ANKS1B: variants seen among roughly 807,000 people sequenced by gnomAD.
ANKS1B encodes the protein ankyrin repeat and sterile alpha motif domain containing 1B.
A neutral mutation model predicts 148.3 loss-of-function variants in ANKS1B; 36 were observed. That is an observed-to-expected ratio of 0.24 (90% CI 0.19 to 0.32). The LOEUF is 0.32. Ranked by LOEUF, ANKS1B falls within the 10% of genes least tolerant of loss-of-function variation. ANKS1B has a pLI of 1.00. For synonymous variants in ANKS1B, 542 were observed against 560.8 expected (o/e 0.97, Z 0.47); for missense variants, 1,157 against 1,542.6 (o/e 0.75, Z 4.19).
intron 17 of ANKS1B, among the ~76,000 whole-genome samples, chr12:98,842,329 A>G (rs2099411408): frequency 6.6e-6 from 1 of 152,210 alleles, no homozygotes; most frequent in Admixed American, 6.5e-5. Flanking sequence ...CACACACAAG[A>G]TGATAGAATA....
In ANKS1B at chr12:99,030,986, C is replaced by T. The variant is rs114887746; in HGVS notation, c.2778+22171G>A. Among the ~76,000 whole-genome samples, 478 of 152,316 alleles carry T rather than the reference C, an allele frequency of 3.1e-3. 2 individuals are homozygous for T. The highest frequency in any genetic ancestry group is 0.011 in the African/African-American group (466 of 41,576). ...CAAGAAGGGCCAAGAAGAGCACAGA[C>T]TCAGTCAAACAAAGATGGAACAAAA... On this transcript the variant is annotated intron_variant, in intron 17 of 26. Transcript: ENST00000683438.
At chr12:99,911,339 C>T (rs10860537) in intron 1 of ANKS1B, among the ~76,000 whole-genome samples, 10,241 of 152,146 alleles carry the variant, frequency 0.067, 409 homozygotes, top group South Asian at 0.083. Context: ...TACAAACTAA[C>T]CAGGCCAGCC....
chr12:99,246,818 A>G lies in ANKS1B; in HGVS notation c.1803T>C (p.Asp601=). The change falls in exon 13 of 27, where the codon GAT becomes GAC. Residue 601 remains aspartate, a synonymous_variant. Coordinates refer to ENST00000683438, the MANE Select transcript of ANKS1B (RefSeq NM_001352186.2). ...GGAGCAGGCCTGCAAATTGCCCAGGATCATATTCTTTTGGGGGATCATTGT... is the reference window on the plus strand; with the variant it reads ...GGAGCAGGCCTGCAAATTGCCCAGGGTCATATTCTTTTGGGGGATCATTGT... ...QDDNDPPKEY[D]PGQFAGLLHG... 6.2e-7 allele frequency: 1 copy of G among 1,609,080 alleles called. No individual in the cohort carries two copies. Among genetic ancestry groups the G allele is most frequent in the Non-Finnish European group, 8.5e-7 (1 of 1,178,864 alleles).
intron 15 of ANKS1B, among the ~76,000 whole-genome samples, chr12:99,096,382 A>T (rs4762551): frequency 0.095 from 14,442 of 151,400 alleles, 1,502 homozygotes; most frequent in African/African-American, 0.25. Flanking sequence ...AAAAAAAAAA[A>T]TTTTTCCACA....
intron 1 of ANKS1B, among the ~76,000 whole-genome samples, chr12:99,954,245 AAAAG>A (rs1197372400): frequency 6.6e-6 from 1 of 152,216 alleles, no homozygotes; most frequent in African/African-American, 2.4e-5. Context: ...AGAAATAAGA[AAAAG>A]AAAACTAATA....
intron 17 of ANKS1B, among the ~76,000 whole-genome samples, chr12:98,952,308 T>C (rs999087953): frequency 3.3e-5 from 5 of 152,198 alleles, no homozygotes; most frequent in African/African-American, 1.2e-4. Context: ...GTAACAAAAC[T>C]GGCACTGGAA....
intron 15 of ANKS1B, among the ~76,000 whole-genome samples, chr12:99,142,572 G>T (rs893599860): frequency 2.0e-5 from 3 of 152,048 alleles, no homozygotes; most frequent in Non-Finnish European, 4.4e-5. Flanking sequence ...CATTATGCAA[G>T]AACTAAAAAT....
intron 14 of ANKS1B, among the ~76,000 whole-genome samples, chr12:99,243,829 T>C (rs1040257001): frequency 6.6e-6 from 1 of 151,764 alleles, no homozygotes; most frequent in East Asian, 1.9e-4. Context: ...TGAGAACACA[T>C]GGACACAGGG....
intron 17 of ANKS1B, among the ~76,000 whole-genome samples, chr12:98,860,170 C>T (rs948302034): frequency 1.3e-5 from 2 of 152,210 alleles, no homozygotes; most frequent in African/African-American, 4.8e-5. Flanking sequence ...TTTTCAAAGA[C>T]CTGAATATCC....
chr12:99,613,670 T>C (rs572794892), intron 9 of ANKS1B, among the ~76,000 whole-genome samples: 5 of 151,926 alleles, frequency 3.3e-5, no homozygotes, highest in African/African-American at 4.8e-5. Context: ...CATGGACACA[T>C]AGAGGAGAAC....
intron 17 of ANKS1B, among the ~76,000 whole-genome samples, chr12:98,926,987 T>G (rs1041089572): frequency 1.3e-5 from 2 of 152,092 alleles, no homozygotes; most frequent in African/African-American, 4.8e-5. Flanking sequence ...CCAAACTTGA[T>G]GAAAACTATT....
At chr12:99,866,468 G>A (rs887536700) in intron 1 of ANKS1B, among the ~76,000 whole-genome samples, 3 of 151,980 alleles carry the variant, frequency 2.0e-5, no homozygotes, top group Non-Finnish European at 4.4e-5. Context: ...CCCATTACAC[G>A]ATTTTCTTCA....
intron 25 of ANKS1B, among the ~76,000 whole-genome samples, chr12:98,755,292 A>G (rs1302083288): frequency 1.3e-5 from 2 of 152,206 alleles, no homozygotes; most frequent in East Asian, 3.9e-4. Flanking sequence ...GATGAGGTTG[A>G]AAATTATATT....
intron 10 of ANKS1B, among the ~76,000 whole-genome samples, chr12:99,471,033 G>A (rs1314618211): frequency 1.3e-5 from 2 of 151,954 alleles, no homozygotes; most frequent in East Asian, 3.8e-4. Context: ...ACATACTTTG[G>A]GAAAAGTTTG....
chr12:99,337,194 C>A (rs1277172448), intron 12 of ANKS1B, among the ~76,000 whole-genome samples: 1 of 151,802 alleles, frequency 6.6e-6, no homozygotes, highest in East Asian at 1.9e-4. Context: ...ATTGTTTTTT[C>A]TTTTGTTTCT....
intron 8 of ANKS1B, among the ~76,000 whole-genome samples, chr12:99,735,551 G>GAAT (rs1338026070): frequency 6.6e-6 from 1 of 152,076 alleles, no homozygotes; most frequent in South Asian, 2.1e-4. Flanking sequence ...AGCCTACCAA[G>GAAT]AATAAATCAG....
At chr12:99,758,149 C>T (rs550465598) in intron 8 of ANKS1B, among the ~76,000 whole-genome samples, 1 of 151,968 alleles carries the variant, frequency 6.6e-6, no homozygotes, top group East Asian at 1.9e-4. Flanking sequence ...AATACAAACT[C>T]CATTTCAGAA....
At chr12:99,496,453 G>A (rs185491962) in intron 10 of ANKS1B, among the ~76,000 whole-genome samples, 329 of 152,186 alleles carry the variant, frequency 2.2e-3, no homozygotes, top group Non-Finnish European at 3.4e-3. Flanking sequence ...ATGCTATAAA[G>A]GAAACAAACA....
intron 17 of ANKS1B, among the ~76,000 whole-genome samples, chr12:98,846,147 T>C (rs1447601014): frequency 2.0e-5 from 3 of 152,164 alleles, no homozygotes; most frequent in African/African-American, 7.2e-5. Context: ...GTAGACTATT[T>C]GTCACTGGGC....
Sources: gnomAD v4.1 joint callset for allele counts (sites outside exome capture counted in the v4.1 genomes callset) on GRCh38, gnomAD v4.1.1 for gene constraint, MANE v1.5 for transcripts, NCBI Gene and HGNC (gene_info 2026-07-23, HGNC 2026-07-21) for gene names.